The following TRANK1 variants were observed in gnomAD, a reference collection of about 807,000 sequenced individuals.
The protein encoded by TRANK1 is TPR and ankyrin repeat-containing protein 1.
In TRANK1, 198 loss-of-function variants were observed where a neutral mutation model predicts 266.0. The ratio of observed to expected loss-of-function variants is 0.74; its 90% CI spans 0.66 to 0.84. The LOEUF is 0.84. TRANK1 is among the 40% of genes least tolerant of loss of function. TRANK1 has a pLI of 0.00. For missense variants in TRANK1, 3,326 were observed against 3,634.6 expected, an observed-to-expected ratio of 0.92 and a Z score of 2.18; for synonymous variants, 1,396 against 1,384.1, an observed-to-expected ratio of 1.01 and a Z score of -0.19.
chr3:36,919,732 T>C (rs1432866715), intron 1 of TRANK1, among the ~76,000 whole-genome samples: 3 of 152,236 alleles, frequency 2.0e-5, no homozygotes, highest in Non-Finnish European at 2.9e-5. Context: ...CCAAAAGCAG[T>C]GTTTTGTGTA....
intron 11 of TRANK1, 63 bp from the exon 12 acceptor site, chr3:36,858,957 A>G: frequency 7.0e-7 from 1 of 1,438,100 alleles, no homozygotes; most frequent in Non-Finnish European, 9.2e-7. Context: ...CTGACGAGAG[A>G]AGGAATGCTT....
chr3:36,855,334 G>A lies in TRANK1; in HGVS notation c.4388C>T (p.Thr1463Met), dbSNP rs200296343. Reference protein sequence around the residue: ...CINDPNSMFLTGDTAQSIMKG... With the variant: ...CINDPNSMFLMGDTAQSIMKG... The stretch of plus-strand genomic sequence containing the variant: ...CATGATGCTCTGGGCCGTGTCCCCC[G>A]TGAGGAACATAGAGTTGGGGTCATT... The change falls in exon 13 of 24, where the codon ACG (threonine) becomes ATG (methionine). Residue 1463 changes from threonine to methionine, a missense_variant. By Grantham distance (81) the Thr-to-Met change is moderately conservative. Coordinates refer to ENST00000645898, the MANE Select transcript of TRANK1 (RefSeq NM_001329998.2). The A allele has an allele frequency of 1.9e-5, 31 of 1,613,904 alleles. No individual in the cohort carries two copies. The highest frequency in any genetic ancestry group is 3.3e-5 in the Admixed American group (2 of 60,006).
intron 1 of TRANK1, among the ~76,000 whole-genome samples, chr3:36,916,672 G>A (rs186512817): frequency 6.6e-6 from 1 of 152,322 alleles, no homozygotes; most frequent in East Asian, 1.9e-4. Flanking sequence ...GCCAATAAGA[G>A]TTCCTGATGA....
chr3:36,894,433 C>T (rs1338468018), intron 5 of TRANK1, among the ~76,000 whole-genome samples: 1 of 152,212 alleles, frequency 6.6e-6, no homozygotes, highest in Non-Finnish European at 1.5e-5. Flanking sequence ...ATCTCTTAGG[C>T]CAGCTACCTT....
intron 8 of TRANK1, among the ~76,000 whole-genome samples, chr3:36,876,941 T>C (rs2079398536): frequency 6.6e-6 from 1 of 152,226 alleles, no homozygotes; most frequent in Non-Finnish European, 1.5e-5. Flanking sequence ...GGTGAGTTCC[T>C]GAGCCTCTGA....
chr3:36,921,795 T>C (rs749173339), intron 1 of TRANK1, among the ~76,000 whole-genome samples: 1 of 152,098 alleles, frequency 6.6e-6, no homozygotes, highest in Non-Finnish European at 1.5e-5. Context: ...AACAACAGGG[T>C]GAGCTAGTAC....
At chr3:36,888,229 A>G (rs921232419) in intron 8 of TRANK1, among the ~76,000 whole-genome samples, 3 of 152,242 alleles carry the variant, frequency 2.0e-5, no homozygotes, top group African/African-American at 7.2e-5. Flanking sequence ...CTGGTGAAAG[A>G]AGCCAGTCAC....
At chr3:36,879,830 G>A (rs1457719273) in intron 8 of TRANK1, among the ~76,000 whole-genome samples, 3 of 99,038 alleles carry the variant, frequency 3.0e-5, no homozygotes, top group Non-Finnish European at 5.7e-5. Flanking sequence ...ACAAATATAT[G>A]TAAATATACA....
intron 5 of TRANK1, 61 bp from the exon 6 acceptor site, chr3:36,893,045 A>C: frequency 6.5e-6 from 6 of 928,108 alleles, no homozygotes; most frequent in Non-Finnish European, 8.7e-6. Flanking sequence ...TTATTAAAGC[A>C]AAAAAGTTAT....
chr3:36,859,651 A>C (rs1484394185), intron 11 of TRANK1, among the ~76,000 whole-genome samples: 1 of 152,180 alleles, frequency 6.6e-6, no homozygotes, highest in African/African-American at 2.4e-5. Flanking sequence ...ACCAGAAGGC[A>C]GACCCACCCA....
intron 8 of TRANK1, among the ~76,000 whole-genome samples, chr3:36,886,919 T>G (rs1439872694): frequency 6.7e-6 from 1 of 149,856 alleles, no homozygotes; most frequent in East Asian, 1.9e-4. Flanking sequence ...TTTTTTTTTT[T>G]TTTTTGAGAC....
At chr3:36,873,034 TTCATAAAACTAAGATACCATAGATATCGA>T (rs2125573023) in intron 9 of TRANK1, among the ~76,000 whole-genome samples, 1 of 152,300 alleles carries the variant, frequency 6.6e-6, no homozygotes, top group Admixed American at 6.5e-5. Flanking sequence ...TACAGTACAT[TTCATAAAACTAAGATACCATAGATATCGA>T]TGAACATACC....
intron 15 of TRANK1, among the ~76,000 whole-genome samples, chr3:36,849,848 A>G (rs557359538): frequency 6.6e-6 from 1 of 152,222 alleles, no homozygotes; most frequent in Non-Finnish European, 1.5e-5. Flanking sequence ...CACTGGGAAG[A>G]ACCCCAACCA....
At chr3:36,888,906 T>C (rs766790798) in intron 8 of TRANK1, among the ~76,000 whole-genome samples, 13 of 152,246 alleles carry the variant, frequency 8.5e-5, no homozygotes, top group Non-Finnish European at 1.9e-4. Flanking sequence ...TAGCTGGGCA[T>C]GGCGGTGTTT....
chr3:36,828,102 C>T lies in TRANK1; in HGVS notation c.*173G>A. 1 of 582,820 alleles carries T rather than the reference C, an allele frequency of 1.7e-6. No homozygotes were observed. Among genetic ancestry groups the T allele is most frequent in the Non-Finnish European group, 3.1e-6 (1 of 326,784 alleles). The allele number at this position is 582,820 out of a possible 1,614,324, so 36.1% of individuals were successfully genotyped here. Reference sequence around the variant, plus strand: ...AACACTTTAGAGGTGAGGGAGCAATCAGATCCTAAGCCACTGAAAGAGAAG... The same window carrying T: ...AACACTTTAGAGGTGAGGGAGCAATTAGATCCTAAGCCACTGAAAGAGAAG... On this transcript the variant is annotated 3_prime_UTR_variant, in exon 24 of 24. Transcript: ENST00000645898.
chr3:36,890,987 G>A (rs1476884590), intron 7 of TRANK1, among the ~76,000 whole-genome samples: 5 of 152,214 alleles, frequency 3.3e-5, no homozygotes, highest in Non-Finnish European at 7.3e-5. Flanking sequence ...ATTAGATTGC[G>A]TAGCTTTCAA....
chr3:36,880,271 C>A, intron 8 of TRANK1: 1 of 345,206 alleles, frequency 2.9e-6, no homozygotes, highest in South Asian at 2.7e-5. Flanking sequence ...TCTCTTTTGC[C>A]AGCATCAAGT....
chr3:36,858,116 G>A, intron 12 of TRANK1, 67 bp from the exon 13 acceptor site: 2 of 1,319,918 alleles, frequency 1.5e-6, no homozygotes, highest in Non-Finnish European at 2.0e-6. Context: ...AGACCCTGGG[G>A]TTTGAGAGTG....
At chr3:36,866,104 G>GAAAGAAAGAAAGAAAGAA (rs1388263683) in intron 9 of TRANK1, among the ~76,000 whole-genome samples, 5 of 149,192 alleles carry the variant, frequency 3.4e-5, no homozygotes, top group African/African-American at 1.0e-4. Flanking sequence ...AAGAAAGAAA[G>GAAAGAAAGAAAGAAAGAA]AAAGAAAGAA....
Sources: allele counts gnomAD v4.1 joint callset (sites outside exome capture counted in the v4.1 genomes callset), GRCh38; gene constraint gnomAD v4.1.1; transcripts MANE v1.5; gene names NCBI Gene and HGNC (gene_info 2026-07-23, HGNC 2026-07-21).